The following AUTS2 variants were observed in gnomAD, a reference collection of about 807,000 sequenced individuals.
The protein encoded by AUTS2 is autism susceptibility gene 2 protein.
In AUTS2, 17 loss-of-function variants were observed where a neutral mutation model predicts 112.4. The observed-to-expected ratio is 0.15, with a 90% CI of 0.10 to 0.23. The LOEUF is 0.23. AUTS2 is among the 10% of genes least tolerant of loss of function. AUTS2 has a pLI of 1.00. For synonymous variants in AUTS2, 751 were observed against 702.7 expected, an observed-to-expected ratio of 1.07 and a Z score of -1.09; for missense variants, 1,510 against 1,701.6, an observed-to-expected ratio of 0.89 and a Z score of 1.98.
chr7:69,998,375 T>C (rs1281152537), intron 2 of AUTS2, among the ~76,000 whole-genome samples: 1 of 151,948 alleles, frequency 6.6e-6, no homozygotes, highest in South Asian at 2.1e-4. Flanking sequence ...AAAAAAATCA[T>C]CTGTAATTCT....
intron 1 of AUTS2, among the ~76,000 whole-genome samples, chr7:69,600,268 C>T (rs190814138): frequency 6.6e-6 from 1 of 152,204 alleles, no homozygotes; most frequent in East Asian, 1.9e-4. Flanking sequence ...CAACAATGCG[C>T]CCCCTCTCCA....
intron 1 of AUTS2, among the ~76,000 whole-genome samples, chr7:69,674,857 AG>A (rs1401549697): frequency 6.6e-6 from 1 of 152,152 alleles, no homozygotes; most frequent in Admixed American, 6.5e-5. Context: ...AGGCTGTGAG[AG>A]GGACAAGAAA....
At chr7:70,613,581 G>A (rs1047150396) in intron 5 of AUTS2, among the ~76,000 whole-genome samples, 1 of 152,156 alleles carries the variant, frequency 6.6e-6, no homozygotes, top group Non-Finnish European at 1.5e-5. Flanking sequence ...GATGGCCTCA[G>A]TAAGTCCCAC....
At chr7:70,588,059 T>G (rs1161854141) in intron 5 of AUTS2, among the ~76,000 whole-genome samples, 1 of 152,158 alleles carries the variant, frequency 6.6e-6, no homozygotes, top group Non-Finnish European at 1.5e-5. Context: ...TCGGCCAACT[T>G]TGAGATCAAA....
chr7:70,412,968 C>T (rs537892706), intron 4 of AUTS2, among the ~76,000 whole-genome samples: 117 of 152,158 alleles, frequency 7.7e-4, no homozygotes, highest in African/African-American at 2.2e-3. Flanking sequence ...GCAGTCTGGG[C>T]GACAGAGTGA....
intron 5 of AUTS2, among the ~76,000 whole-genome samples, chr7:70,650,707 A>C (rs908199405): frequency 5.9e-5 from 9 of 152,206 alleles, no homozygotes; most frequent in African/African-American, 2.2e-4. Flanking sequence ...AAGTACATAC[A>C]TTTACCTCTA....
chr7:70,257,074 C>T (rs772743791), intron 4 of AUTS2, among the ~76,000 whole-genome samples: 10 of 152,150 alleles, frequency 6.6e-5, no homozygotes, highest in African/African-American at 9.7e-5. Flanking sequence ...CATGATGGTC[C>T]GGGCCTTCCT....
chr7:70,261,519 T>C (rs1584945872), intron 4 of AUTS2, among the ~76,000 whole-genome samples: 1 of 152,236 alleles, frequency 6.6e-6, no homozygotes, highest in Admixed American at 6.5e-5. Flanking sequence ...TTTAAAAATA[T>C]ATTTGTTGTA....
chr7:70,723,064 G>A (rs149138058), intron 6 of AUTS2, among the ~76,000 whole-genome samples: 190 of 152,264 alleles, frequency 1.2e-3, no homozygotes, highest in African/African-American at 4.5e-3. Context: ...GGAAAGTGAC[G>A]AGTCGGGGAT....
At chr7:70,121,307 G>A (rs1805670182) in intron 3 of AUTS2, among the ~76,000 whole-genome samples, 1 of 152,040 alleles carries the variant, frequency 6.6e-6, no homozygotes, top group Non-Finnish European at 1.5e-5. Context: ...TATTAGATAT[G>A]ACACCAAAAG....
Position 70,472,029 on chromosome 7 carries a change from T to C in AUTS2, c.690+36248T>C, listed in dbSNP as rs149994569. Among the ~76,000 whole-genome samples, 915 of 152,250 alleles carry C rather than the reference T, an allele frequency of 6.0e-3. 4 individuals are homozygous for C. The highest frequency in any genetic ancestry group is 0.01 in the Middle Eastern group (3 of 294). ...TGCCCTCAATAAGGCACCCATTCAG[T>C]TACTCAAGTGGGCCAGCACACAGTG... On this transcript the variant is annotated intron_variant, in intron 5 of 18. Coordinates refer to ENST00000342771, the MANE Select transcript of AUTS2 (RefSeq NM_015570.4).
At chr7:69,956,439 C>A (rs564279456) in intron 2 of AUTS2, among the ~76,000 whole-genome samples, 1 of 151,984 alleles carries the variant, frequency 6.6e-6, no homozygotes, top group South Asian at 2.1e-4. Context: ...CACCTGTAAC[C>A]GTTATTACTC....
chr7:69,697,653 G>A (rs1584091453), intron 1 of AUTS2, among the ~76,000 whole-genome samples: 2 of 152,168 alleles, frequency 1.3e-5, no homozygotes, highest in African/African-American at 4.8e-5. Flanking sequence ...TTGACTTTGG[G>A]CATCCCAAGC....
chr7:69,723,528 A>G (rs972865357), intron 1 of AUTS2, among the ~76,000 whole-genome samples: 2 of 152,180 alleles, frequency 1.3e-5, no homozygotes, highest in African/African-American at 4.8e-5. Flanking sequence ...AATTACAGGA[A>G]GATACTGTAT....
intron 2 of AUTS2, among the ~76,000 whole-genome samples, chr7:70,038,812 G>A (rs1386652072): frequency 2.0e-5 from 3 of 152,034 alleles, no homozygotes; most frequent in Non-Finnish European, 4.4e-5. Flanking sequence ...ACCCTGTCGC[G>A]CTGGAGTGCG....
chr7:70,064,520 T>G (rs2129561329), intron 2 of AUTS2, among the ~76,000 whole-genome samples: 1 of 152,340 alleles, frequency 6.6e-6, no homozygotes, highest in Non-Finnish European at 1.5e-5. Context: ...GTCTGTCATT[T>G]ACTAGAGAGT....
intron 1 of AUTS2, among the ~76,000 whole-genome samples, chr7:69,774,060 AG>A (rs1299130400): frequency 1.3e-5 from 2 of 152,206 alleles, no homozygotes; most frequent in Non-Finnish European, 2.9e-5. Context: ...CCCTGGAGGA[AG>A]CAGAGTCCAC....
At chr7:69,985,488 C>T (rs1476789845) in intron 2 of AUTS2, among the ~76,000 whole-genome samples, 3 of 152,162 alleles carry the variant, frequency 2.0e-5, no homozygotes, top group Non-Finnish European at 4.4e-5. Context: ...TACATTATAG[C>T]ATTCTCCTGC....
chr7:70,008,525 TACAG>T (rs1799648754), intron 2 of AUTS2, among the ~76,000 whole-genome samples: 1 of 152,190 alleles, frequency 6.6e-6, no homozygotes, highest in South Asian at 2.1e-4. Flanking sequence ...TGGGTATGCC[TACAG>T]ACATTTTATG....
Sources: allele counts gnomAD v4.1 joint callset (sites outside exome capture counted in the v4.1 genomes callset), GRCh38; gene constraint gnomAD v4.1.1; transcripts MANE v1.5; gene names NCBI Gene and HGNC (gene_info 2026-07-23, HGNC 2026-07-21).